TENM2: variants seen among roughly 807,000 people sequenced by gnomAD.
The protein encoded by TENM2 is teneurin-2.
Under a neutral mutation model 245.2 loss-of-function variants are expected in TENM2, and 52 were observed. The observed-to-expected ratio is 0.21, with a 90% confidence interval of 0.17 to 0.27. The LOEUF is 0.27. Ranked by LOEUF, TENM2 falls within the 10% of genes least tolerant of loss-of-function variation. The pLI is 1.00. For missense variants in TENM2, 3,046 were observed against 3,666.8 expected (o/e 0.83, Z 4.37); for synonymous variants, 1,363 against 1,438.9 (o/e 0.95, Z 1.19).
In TENM2 at chr5:168,247,481, G is replaced by T; in HGVS notation, c.6542G>T (p.Ser2181Ile). The T allele has an allele frequency of 1.2e-6, 2 of 1,612,508 alleles. No individual in the cohort carries two copies. The highest frequency in any genetic ancestry group is 1.7e-6 in the Non-Finnish European group (2 of 1,178,806). Residue 2181 changes from serine to isoleucine, a missense_variant, in exon 27 of 29, where the codon AGC (serine) becomes ATC (isoleucine). Ser to Ile is a moderately radical substitution (Grantham distance 142). This residue lies in a region of TENM2 where 2,704 missense variants were observed against 3,331.9 expected (regional missense o/e 0.81). Transcript: ENST00000518659. This position sits in a 1 kb window ranked among gnomAD's most constrained non-coding sequence, Gnocchi z 7.8. ...TACTGGATGACGGTGCAATATGACA[G>T]CATGGGCAGGGTGATCAAGAGGGAG...
intron 7 of TENM2, among the ~76,000 whole-genome samples, chr5:168,087,757 T>C (rs900446935): frequency 1.3e-5 from 2 of 152,128 alleles, no homozygotes. Flanking sequence ...ATGTTCTTAG[T>C]AGAAAGACAA....
At chr5:167,606,387 G>A (rs1415244178) in intron 2 of TENM2, among the ~76,000 whole-genome samples, 1 of 152,074 alleles carries the variant, frequency 6.6e-6, no homozygotes, top group Non-Finnish European at 1.5e-5. Context: ...GGGACATGGG[G>A]AGGGAGGAGA....
chr5:167,781,584 G>A (rs773896315), intron 2 of TENM2, among the ~76,000 whole-genome samples: 1 of 152,124 alleles, frequency 6.6e-6, no homozygotes, highest in Non-Finnish European at 1.5e-5. Context: ...ATGTGACTTC[G>A]TTTGCTGAGA....
intron 3 of TENM2, among the ~76,000 whole-genome samples, chr5:167,933,502 G>GCT (rs1192735559): frequency 1.3e-5 from 2 of 152,070 alleles, no homozygotes; most frequent in Non-Finnish European, 2.9e-5. Context: ...GTTGAATTAT[G>GCT]CTCATTATGC....
chr5:167,470,467 T>TTTTTTC (rs1766950060), intron 2 of TENM2, among the ~76,000 whole-genome samples: 1 of 147,048 alleles, frequency 6.8e-6, no homozygotes, highest in African/African-American at 2.5e-5. Context: ...TTTTTTTTTT[T>TTTTTTC]TTTTTTTTTG....
intron 2 of TENM2, among the ~76,000 whole-genome samples, chr5:167,761,089 C>G (rs1332026640): frequency 6.6e-6 from 1 of 152,158 alleles, no homozygotes; most frequent in Non-Finnish European, 1.5e-5. Flanking sequence ...TCTAAACTTT[C>G]TGCTTTTCCT....
intron 7 of TENM2, among the ~76,000 whole-genome samples, chr5:168,072,452 A>G (rs556207643): frequency 3.3e-5 from 5 of 152,268 alleles, no homozygotes; most frequent in African/African-American, 1.2e-4. Context: ...AAATCAATCC[A>G]TTCATGCCCT....
intron 10 of TENM2, among the ~76,000 whole-genome samples, chr5:168,123,556 A>G (rs72833198): frequency 0.15 from 23,014 of 152,280 alleles, 2,185 homozygotes; most frequent in Admixed American, 0.23. Context: ...GAAGGATTTA[A>G]TAACACTGTC....
At chr5:168,005,347 G>GA (rs1784740823) in intron 5 of TENM2, among the ~76,000 whole-genome samples, 2 of 151,822 alleles carry the variant, frequency 1.3e-5, no homozygotes, top group Middle Eastern at 3.2e-3. Flanking sequence ...GTCAAAACAT[G>GA]AAAAAAAATA....
the TENM2 span, among the ~76,000 whole-genome samples, chr5:167,026,712 G>A: frequency 6.6e-6 from 1 of 152,168 alleles, no homozygotes; most frequent in Non-Finnish European, 1.5e-5. Flanking sequence ...GGGCTTGAGT[G>A]CTTTATTTGA....
intron 9 of TENM2, among the ~76,000 whole-genome samples, chr5:168,099,076 AT>A (rs1172414176): frequency 6.6e-6 from 1 of 151,836 alleles, no homozygotes; most frequent in African/African-American, 2.4e-5. Flanking sequence ...CACCCGGCTA[AT>A]TTTTGTATTT....
intron 1 of TENM2, among the ~76,000 whole-genome samples, chr5:167,298,141 T>C (rs562479452): frequency 2.8e-4 from 42 of 152,202 alleles, no homozygotes; most frequent in Middle Eastern, 3.4e-3. Flanking sequence ...TGGGCGACGT[T>C]TCTCAGGGCT....
At chr5:168,052,140 G>A (rs1789144264) in intron 6 of TENM2, among the ~76,000 whole-genome samples, 1 of 151,978 alleles carries the variant, frequency 6.6e-6, no homozygotes, top group South Asian at 2.1e-4. Flanking sequence ...GCTCATGCCT[G>A]TAATCCCAGC....
At chr5:167,028,105 G>A in the TENM2 span, among the ~76,000 whole-genome samples, 1 of 150,888 alleles carries the variant, frequency 6.6e-6, no homozygotes, top group Non-Finnish European at 1.5e-5. Flanking sequence ...ACGTAGGTGG[G>A]ATGACACATT....
At chr5:168,043,239 CT>C (rs113155634) in intron 5 of TENM2, among the ~76,000 whole-genome samples, 393 of 143,342 alleles carry the variant, frequency 2.7e-3, no homozygotes, top group Middle Eastern at 7.5e-3. Flanking sequence ...TCTCAGCTTT[CT>C]TTTTTTTTTT....
At chr5:167,689,502 A>G (rs1001347615) in intron 2 of TENM2, among the ~76,000 whole-genome samples, 1 of 152,188 alleles carries the variant, frequency 6.6e-6, no homozygotes, top group African/African-American at 2.4e-5. Flanking sequence ...GTGCATTTTC[A>G]TGGTCACCAA....
chr5:168,062,200 T>C (rs1790105095), exon 7 of TENM2: 1 of 1,613,604 alleles, frequency 6.2e-7, no homozygotes, highest in African/African-American at 1.3e-5. Flanking sequence ...GTTCAACATC[T>C]CCCTCGGGAA....
Position 167,769,896 on chromosome 5 carries a change from C to A in TENM2, c.503-106090C>A, listed in dbSNP as rs534018769. Among the ~76,000 whole-genome samples the A allele has an allele frequency of 3.3e-5, 5 of 151,868 alleles. No homozygotes were observed. In the East Asian group the frequency reaches 9.7e-4, roughly 29 times the overall value. ...ATTAGAGCTTGGTGTGGGTCTAAAC[C>A]TGAAGTTTGCTAGTTTTTTTTTCCC... On this transcript the variant is annotated intron_variant, in intron 2 of 28. Transcript: ENST00000518659.
the TENM2 span, among the ~76,000 whole-genome samples, chr5:167,031,322 G>A: frequency 6.6e-6 from 1 of 152,184 alleles, no homozygotes; most frequent in Admixed American, 6.5e-5. Flanking sequence ...GAATTTTAAT[G>A]TTGGAAGTTT....
Sources: allele counts gnomAD v4.1 joint callset (sites outside exome capture counted in the v4.1 genomes callset), GRCh38; gene constraint gnomAD v4.1.1; regional missense constraint gnomAD v4.1.1; non-coding constraint Gnocchi (gnomAD v3.1); transcripts MANE v1.5; gene names NCBI Gene and HGNC (gene_info 2026-07-23, HGNC 2026-07-21).